The following NEURL1 variants were observed in gnomAD, a reference collection of about 807,000 sequenced individuals.
The protein encoded by NEURL1 is neuralized E3 ubiquitin protein ligase 1, also known as E3 ubiquitin-protein ligase NEURL1.
A neutral mutation model predicts 41.2 loss-of-function variants in NEURL1; 26 were observed. The ratio of observed to expected loss-of-function variants is 0.63; its 90% CI spans 0.46 to 0.87. The LOEUF is 0.87. Among genes scored for constraint, NEURL1 ranks in the 40% least tolerant of loss-of-function variants. The probability of loss-of-function intolerance (pLI) is 0.00; values close to 1 mark genes in which losing one functional copy is unlikely to be tolerated. For missense variants in NEURL1, 761 were observed against 871.1 expected, an observed-to-expected ratio of 0.87 and a Z score of 1.59; for synonymous variants, 400 against 402.3, an observed-to-expected ratio of 0.99 and a Z score of 0.07.
chr10:103,505,289 T>TCTCAGCTCA (rs972402863), intron 1 of NEURL1, among the ~76,000 whole-genome samples: 1 of 150,862 alleles, frequency 6.6e-6, no homozygotes, highest in African/African-American at 2.4e-5. Context: ...ACTGGTGCGA[T>TCTCAGCTCA]CTCAGCTCAC....
chr10:103,539,952 C>T (rs1311540737), intron 1 of NEURL1, among the ~76,000 whole-genome samples: 1 of 152,150 alleles, frequency 6.6e-6, no homozygotes, highest in African/African-American at 2.4e-5. Context: ...CTATTTCAGA[C>T]TATGAAGCAA....
intron 3 of NEURL1, among the ~76,000 whole-genome samples, chr10:103,578,756 G>A (rs1159871147): frequency 6.6e-6 from 1 of 152,238 alleles, no homozygotes; most frequent in African/African-American, 2.4e-5. Context: ...TCCCATGGTT[G>A]GGTTTAAAGG....
Position 103,563,107 on chromosome 10 carries a change from G to A in NEURL1, c.86-7765G>A, listed in dbSNP as rs117763432. Among the ~76,000 whole-genome samples, 107 of 152,306 alleles carry A rather than the reference G, an allele frequency of 7.0e-4. 1 individual carries two copies. The East Asian group carries it at 0.018, about 26-fold the overall frequency. ...CACCCTGGCAATCTGAGATTAGGAC[G>A]TTTGGGGTAAAATAAGACTGAAGTT... On this transcript the variant is annotated intron_variant, in intron 1 of 5. Coordinates refer to ENST00000369780, the MANE Select transcript of NEURL1 (RefSeq NM_004210.5).
At chr10:103,548,267 C>T (rs184216551) in intron 1 of NEURL1, among the ~76,000 whole-genome samples, 25 of 152,216 alleles carry the variant, frequency 1.6e-4, no homozygotes, top group African/African-American at 5.5e-4. Context: ...AAGCGGGTAC[C>T]GAGTAAATGT....
intron 1 of NEURL1, among the ~76,000 whole-genome samples, chr10:103,526,825 T>C (rs2034468607): frequency 6.6e-6 from 1 of 152,172 alleles, no homozygotes; most frequent in African/African-American, 2.4e-5. Flanking sequence ...CTTTTATTTT[T>C]CTGCATATGA....
rs1173661767 is a variant in NEURL1, at chr10:103,558,995, AC to A, written c.86-11872del. Among the ~76,000 whole-genome samples the A allele has an allele frequency of 6.6e-6, 1 of 151,730 alleles. No individual in the cohort carries two copies. Among genetic ancestry groups the A allele is most frequent in the East Asian group, 1.9e-4 (1 of 5,184 alleles). Reference sequence around the variant, plus strand: ...ACAGGGACCCGAGACATTGGCTCCCACCCCCTCCTGTCACAGAGGGAGATGC... The same window carrying A: ...ACAGGGACCCGAGACATTGGCTCCCACCCCTCCTGTCACAGAGGGAGATGC... On this transcript the variant is annotated intron_variant, in intron 1 of 5. Coordinates refer to ENST00000369780, the MANE Select transcript of NEURL1 (RefSeq NM_004210.5). This position sits in a 1 kb window ranked among gnomAD's most constrained non-coding sequence, Gnocchi z 4.2.
intron 1 of NEURL1, chr10:103,550,967 T>C (rs1394579495): frequency 6.6e-6 from 1 of 152,248 alleles, no homozygotes; most frequent in African/African-American, 2.4e-5. Flanking sequence ...CATTTATAGC[T>C]TCTGCTATAT....
chr10:103,586,014 G>A (rs2035916896), intron 4 of NEURL1, among the ~76,000 whole-genome samples: 1 of 151,740 alleles, frequency 6.6e-6, no homozygotes, highest in Admixed American at 6.6e-5. Context: ...GGGACTCGGG[G>A]GAATCCCTGA....
intron 1 of NEURL1, among the ~76,000 whole-genome samples, chr10:103,525,570 T>G (rs540890491): frequency 1.1e-4 from 17 of 152,086 alleles, no homozygotes; most frequent in Non-Finnish European, 2.2e-4. Flanking sequence ...GCCAGGCTGG[T>G]CTCCAACTCT....
intron 1 of NEURL1, among the ~76,000 whole-genome samples, chr10:103,530,765 T>A (rs1337447308): frequency 6.6e-6 from 1 of 151,814 alleles, no homozygotes; most frequent in Non-Finnish European, 1.5e-5. Flanking sequence ...GGTCTGTAAC[T>A]CCCGACCTCA....
At chr10:103,569,821 C>T in intron 1 of NEURL1, among the ~76,000 whole-genome samples, 1 of 152,126 alleles carries the variant, frequency 6.6e-6, no homozygotes. Flanking sequence ...CTAGAGAGAC[C>T]CGGGGGCTCA....
chr10:103,494,472 G>A lies in NEURL1; in HGVS notation c.85G>A (p.Asp29Asn), dbSNP rs2033632926. ...APRGHPQNLK[D>N]SIGGPFPVTS... ...GCGGGGCCACCCCCAGAACCTCAAA[G>A]GTAGGCTCCCCGGCCGAGCGCTGCT... Residue 29 changes from aspartate (D) to asparagine (N), a missense_variant and splice_region_variant, in exon 1 of 6, where the codon GAC becomes AAC. Around this residue, in one of 5 missense-constraint regions of NEURL1, gnomAD observed 94 missense variants for 96.6 expected, o/e 0.97. Transcript: ENST00000369780. The A allele has an allele frequency of 7.0e-6, 11 of 1,569,268 alleles. No homozygotes were observed. The highest frequency in any genetic ancestry group is 9.5e-6 in the Non-Finnish European group (11 of 1,157,932).
chr10:103,523,336 G>A (rs1196777323), intron 1 of NEURL1, among the ~76,000 whole-genome samples: 1 of 151,882 alleles, frequency 6.6e-6, no homozygotes, highest in East Asian at 1.9e-4. Flanking sequence ...CATGCCTGTA[G>A]TCCCAGCTAC....
intron 1 of NEURL1, 116 bp from the exon 2 acceptor site, chr10:103,570,756 A>T (rs1465989233): frequency 6.6e-7 from 1 of 1,504,098 alleles, no homozygotes; most frequent in African/African-American, 1.4e-5. Context: ...CAGTGGTGAA[A>T]GAACTGGGCT....
chr10:103,514,947 G>A (rs2034164955), intron 1 of NEURL1, among the ~76,000 whole-genome samples: 1 of 152,110 alleles, frequency 6.6e-6, no homozygotes, highest in Non-Finnish European at 1.5e-5. Context: ...AGAAACATCA[G>A]GCTGGGCAGG....
chr10:103,590,452 C>G lies in NEURL1; in HGVS notation c.*80C>G, dbSNP rs1452267655. ...CAGCTGAGGAACAAGCCAGTGGGGCCCCTTCTCTTCCTCATTTTGGAAACT... is the reference window on the plus strand; with the variant it reads ...CAGCTGAGGAACAAGCCAGTGGGGCGCCTTCTCTTCCTCATTTTGGAAACT... On this transcript the variant is annotated 3_prime_UTR_variant, in exon 6 of 6. Transcript: ENST00000369780. The G allele has an allele frequency of 1.8e-6, 2 of 1,129,364 alleles. No individual in the cohort carries two copies. The highest frequency in any genetic ancestry group is 3.1e-5 in the African/African-American group (2 of 64,782). 70.0% of individuals were successfully genotyped at this position (1,129,364 alleles called of 1,614,324 possible).
chr10:103,535,900 G>T (rs546229263), intron 1 of NEURL1, among the ~76,000 whole-genome samples: 50 of 152,320 alleles, frequency 3.3e-4, no homozygotes, highest in African/African-American at 1.2e-3. Context: ...TCCAGCTGTT[G>T]TTCCAATTCC....
chr10:103,581,051 C>G (rs2035774201), intron 3 of NEURL1, among the ~76,000 whole-genome samples: 1 of 152,226 alleles, frequency 6.6e-6, no homozygotes, highest in South Asian at 2.1e-4. Flanking sequence ...TTAGTTGAGA[C>G]TGTGCTCAAG....
rs770431545 is a variant in NEURL1, at chr10:103,570,907, C to G, written c.121C>G (p.Arg41Gly). ...IGGPFPVTSH[R>G]CHHKQKHCPA... ...GGGCCCCTTCCCCGTCACTTCTCACCGATGCCACCACAAGCAGAAGCACTG... is the reference window on the plus strand; with the variant it reads ...GGGCCCCTTCCCCGTCACTTCTCACGGATGCCACCACAAGCAGAAGCACTG... Residue 41 changes from arginine to glycine, a missense_variant, in exon 2 of 6, where the codon CGA becomes GGA. Physicochemically the swap from Arg to Gly is moderately radical, Grantham distance 125. Around this residue, in one of 5 missense-constraint regions of NEURL1, gnomAD observed 94 missense variants for 96.6 expected, o/e 0.97. Transcript: ENST00000369780. 6.2e-7 allele frequency: 1 copy of G among 1,613,770 alleles called. No homozygotes were observed. Among genetic ancestry groups the G allele is most frequent in the Middle Eastern group, 1.7e-4 (1 of 6,060 alleles).
Sources: gnomAD v4.1 joint callset for allele counts (sites outside exome capture counted in the v4.1 genomes callset) on GRCh38, gnomAD v4.1.1 for gene constraint, gnomAD v4.1.1 regional missense constraint, Gnocchi (gnomAD v3.1) non-coding constraint, MANE v1.5 for transcripts, NCBI Gene and HGNC (gene_info 2026-07-23, HGNC 2026-07-21) for gene names.